The following TTC27 variants were observed in gnomAD, a reference collection of about 807,000 sequenced individuals.
TTC27 encodes the protein tetratricopeptide repeat protein 27.
A neutral mutation model predicts 115.9 loss-of-function variants in TTC27; 79 were observed. The ratio of observed to expected loss-of-function variants is 0.68; its 90% CI spans 0.57 to 0.82. The LOEUF (loss-of-function observed/expected upper bound fraction) is 0.82, where lower values mean the gene tolerates loss of function less well. Among genes scored for constraint, TTC27 ranks in the 40% least tolerant of loss-of-function variants. TTC27 has a pLI of 0.00. For missense variants in TTC27, 1,054 were observed against 993.1 expected, an observed-to-expected ratio of 1.06 and a Z score of -0.82; for synonymous variants, 401 against 356.0, an observed-to-expected ratio of 1.13 and a Z score of -1.42.
At chr2:32,637,187 A>G (rs569849298) in intron 3 of TTC27, among the ~76,000 whole-genome samples, 1 of 152,252 alleles carries the variant, frequency 6.6e-6, no homozygotes, top group South Asian at 2.1e-4. Flanking sequence ...CTCCCTGTAT[A>G]ATTTTTATTT....
Position 32,782,612 on chromosome 2 carries a change from C to G in TTC27, c.1780-14C>G, listed in dbSNP as rs1200422795. The G allele has an allele frequency of 6.2e-7, 1 of 1,610,146 alleles. No homozygotes were observed. The highest frequency in any genetic ancestry group is 8.5e-7 in the Non-Finnish European group (1 of 1,177,488). ...ATGAGAAGAGTTAATTAACTGTGTT[C>G]TCTATCATTTCAGAATGCTGAAGCT... On this transcript the variant is annotated splice_polypyrimidine_tract_variant and intron_variant, in intron 14 of 19. Coordinates refer to ENST00000317907, the MANE Select transcript of TTC27 (RefSeq NM_017735.5).
At chr2:32,765,534 T>C (rs1277406183) in intron 13 of TTC27, among the ~76,000 whole-genome samples, 1 of 152,210 alleles carries the variant, frequency 6.6e-6, no homozygotes, top group Non-Finnish European at 1.5e-5. Context: ...TGAATGAGCA[T>C]TGGCTTCAGC....
chr2:32,659,703 C>T (rs955564060), intron 5 of TTC27, among the ~76,000 whole-genome samples: 4 of 152,092 alleles, frequency 2.6e-5, no homozygotes, highest in African/African-American at 9.7e-5. Flanking sequence ...ACATGATGTT[C>T]TCCTCCCTGT....
At chr2:32,711,116 CAAAAAAAAA>C (rs34140897) in intron 10 of TTC27, among the ~76,000 whole-genome samples, 3 of 59,936 alleles carry the variant, frequency 5.0e-5, no homozygotes, top group Admixed American at 3.8e-4. Flanking sequence ...GACTCTGTCT[CAAAAAAAAA>C]AAAAAAAAAA....
chr2:32,706,576 G>T (rs1338188763), intron 10 of TTC27, among the ~76,000 whole-genome samples: 1 of 151,750 alleles, frequency 6.6e-6, no homozygotes, highest in African/African-American at 2.4e-5. Flanking sequence ...TCGCCTTTTT[G>T]TTTTTGAGAC....
At chr2:32,754,189 C>T (rs1669122558) in intron 12 of TTC27, among the ~76,000 whole-genome samples, 1 of 148,176 alleles carries the variant, frequency 6.7e-6, no homozygotes, top group African/African-American at 2.5e-5. Context: ...GTGTTTCTCG[C>T]AGAGGGGGAT....
At chr2:32,669,472 G>A (rs76177886) in intron 7 of TTC27, among the ~76,000 whole-genome samples, 9,196 of 152,218 alleles carry the variant, frequency 0.06, 313 homozygotes, top group East Asian at 0.11. Flanking sequence ...ATATTACCTT[G>A]TGTTAAACAC....
chr2:32,792,563 T>G (rs1219304677), intron 16 of TTC27, among the ~76,000 whole-genome samples: 1 of 152,104 alleles, frequency 6.6e-6, no homozygotes, highest in East Asian at 1.9e-4. Context: ...AACTGAGGTT[T>G]GGGGAAGCCA....
At chr2:32,655,132 G>T (rs1665272044) in intron 5 of TTC27, among the ~76,000 whole-genome samples, 1 of 151,748 alleles carries the variant, frequency 6.6e-6, no homozygotes, top group Admixed American at 6.6e-5. Flanking sequence ...GGGACTATGG[G>T]TGCCCGCCAC....
chr2:32,721,219 C>T lies in TTC27; in HGVS notation c.1234-12609C>T, dbSNP rs75110632. ...TTTAGAGCTTTTCATGACTCTTGAC[C>T]TTCTGTCTCAGTAAAATTTAAGAAT... On this transcript the variant is annotated intron_variant, in intron 10 of 19. Transcript: ENST00000317907. 3.3e-3 allele frequency among the ~76,000 whole-genome samples: 498 copies of T among 152,280 alleles called. 4 individuals carry two copies. The highest frequency in any genetic ancestry group is 0.011 in the African/African-American group (475 of 41,552).
intron 2 of TTC27, among the ~76,000 whole-genome samples, chr2:32,632,811 G>T (rs895257548): frequency 2.6e-5 from 4 of 152,152 alleles, no homozygotes; most frequent in Admixed American, 2.6e-4. Context: ...AGTTGGATCT[G>T]TACCTATTTA....
Position 32,730,500 on chromosome 2 carries a change from G to A in TTC27, c.1234-3328G>A, listed in dbSNP as rs559470335. On this transcript the variant is annotated intron_variant, in intron 10 of 19. Coordinates refer to ENST00000317907, the MANE Select transcript of TTC27 (RefSeq NM_017735.5). ...AAATAATCCTGGTCTGAAAAACCTA[G>A]ACATGCACTATAACAATGTCCCTGT... Among the ~76,000 whole-genome samples, 26 of 151,208 alleles carry A rather than the reference G, an allele frequency of 1.7e-4. No individual in the cohort carries two copies. In the South Asian group the frequency reaches 5.4e-3, roughly 31 times the overall value.
chr2:32,736,586 A>G lies in TTC27; in HGVS notation c.1330-108A>G, dbSNP rs751759687. 10 of 1,165,758 alleles carry G rather than the reference A, an allele frequency of 8.6e-6. No homozygotes were observed. The South Asian group carries it at 8.8e-5, about 10-fold the overall frequency. 72.2% of individuals were successfully genotyped at this position (1,165,758 alleles called of 1,614,324 possible). A position where few individuals can be genotyped will look rare whatever the true frequency, so the allele number is the denominator to read the frequency against. On this transcript the variant is annotated intron_variant, in intron 11 of 19. Coordinates refer to ENST00000317907, the MANE Select transcript of TTC27 (RefSeq NM_017735.5). ...TACAGATTGTAGAATTTATACATTTATTACAATAAGCAGACCCCTAAAAAG... is the reference window on the plus strand; with the variant it reads ...TACAGATTGTAGAATTTATACATTTGTTACAATAAGCAGACCCCTAAAAAG...
intron 16 of TTC27, among the ~76,000 whole-genome samples, chr2:32,791,277 C>T (rs1670525103): frequency 6.6e-6 from 1 of 152,044 alleles, no homozygotes; most frequent in South Asian, 2.1e-4. Flanking sequence ...GGATATTTTT[C>T]CTTTTCTTCC....
intron 6 of TTC27, among the ~76,000 whole-genome samples, chr2:32,665,358 A>G (rs1327629701): frequency 6.6e-6 from 1 of 152,206 alleles, no homozygotes; most frequent in Non-Finnish European, 1.5e-5. Flanking sequence ...TCTGTATATG[A>G]AAATGTATGT....
intron 10 of TTC27, among the ~76,000 whole-genome samples, chr2:32,719,844 G>A (rs1667865718): frequency 6.6e-6 from 1 of 152,104 alleles, no homozygotes; most frequent in Non-Finnish European, 1.5e-5. Flanking sequence ...TTCTCACAGG[G>A]GGAAAGGATG....
chr2:32,690,483 C>T (rs1345408271), intron 9 of TTC27, among the ~76,000 whole-genome samples: 2 of 152,096 alleles, frequency 1.3e-5, no homozygotes, highest in African/African-American at 4.8e-5. Flanking sequence ...ATAAAGATAT[C>T]CTCTAGTTGC....
chr2:32,773,439 C>T (rs1475792507), intron 13 of TTC27, among the ~76,000 whole-genome samples: 2 of 152,208 alleles, frequency 1.3e-5, no homozygotes, highest in Non-Finnish European at 2.9e-5. Context: ...TGGGTTTTCC[C>T]AGCACATGTT....
In TTC27 at chr2:32,648,301, G is replaced by T. The variant is rs779323380; in HGVS notation, c.538-1830G>T. 4.6e-5 allele frequency among the ~76,000 whole-genome samples: 7 copies of T among 151,738 alleles called. No individual in the cohort carries two copies. The South Asian group carries it at 1.5e-3, about 32-fold the overall frequency. ...TGCCACCACACCTGGCTAATTTTTCGTATTTTTAGTAGGAACCGGGTTTCA... is the reference window on the plus strand; with the variant it reads ...TGCCACCACACCTGGCTAATTTTTCTTATTTTTAGTAGGAACCGGGTTTCA... On this transcript the variant is annotated intron_variant, in intron 4 of 19. Transcript: ENST00000317907.
Sources: allele counts gnomAD v4.1 joint callset (sites outside exome capture counted in the v4.1 genomes callset), GRCh38; gene constraint gnomAD v4.1.1; transcripts MANE v1.5; gene names NCBI Gene and HGNC (gene_info 2026-07-23, HGNC 2026-07-21).